Variants in ZBTB8OS observed in about 807,000 individuals in gnomAD.
ZBTB8OS encodes the protein tRNA splicing ligase complex subunit 1, also known as tRNA-splicing ligase-activating factor archease.
In ZBTB8OS, 16 loss-of-function variants were observed where a neutral mutation model predicts 29.3. That is an observed-to-expected ratio of 0.55 (90% confidence interval 0.37 to 0.83). The LOEUF (loss-of-function observed/expected upper bound fraction) is 0.83, where lower values mean the gene tolerates loss of function less well. Among genes scored for constraint, ZBTB8OS ranks in the 40% least tolerant of loss-of-function variants. The probability of loss-of-function intolerance (pLI) is 0.00; values close to 1 mark genes in which losing one functional copy is unlikely to be tolerated. For missense variants in ZBTB8OS, 160 were observed against 196.9 expected (o/e 0.81, Z 1.12); for synonymous variants, 70 against 64.6 (o/e 1.08, Z -0.40).
chr1:32,645,715 C>G (rs1297649216), intron 1 of ZBTB8OS, among the ~76,000 whole-genome samples: 1 of 152,126 alleles, frequency 6.6e-6, no homozygotes, highest in Non-Finnish European at 1.5e-5. Flanking sequence ...AGCCGAGTCT[C>G]AAACTCCTGG....
At chr1:32,650,348 T>G in intron 1 of ZBTB8OS, 85 bp downstream of exon 1, 2 of 1,558,116 alleles carry the variant, frequency 1.3e-6, no homozygotes, top group Non-Finnish European at 1.8e-6. Context: ...TGGGGCACAG[T>G]AGAAAGAGCA....
At chr1:32,633,806 G>A in intron 3 of ZBTB8OS, 79 bp from the exon 4 acceptor site, 2 of 1,460,252 alleles carry the variant, frequency 1.4e-6, no homozygotes, top group South Asian at 1.3e-5. Context: ...ATAAATAAAT[G>A]TCTTAGGTCA....
intron 1 of ZBTB8OS, among the ~76,000 whole-genome samples, chr1:32,641,738 C>T (rs1170790291): frequency 6.7e-6 from 1 of 150,224 alleles, no homozygotes; most frequent in African/African-American, 2.4e-5. Flanking sequence ...ATGGTGAAAC[C>T]CCGTCTCTAC....
chr1:32,638,153 TA>T (rs998230589), intron 1 of ZBTB8OS, among the ~76,000 whole-genome samples: 13 of 147,940 alleles, frequency 8.8e-5, no homozygotes, highest in South Asian at 6.4e-4. Context: ...ATATTTCAAT[TA>T]AAAAAAAATC....
intron 6 of ZBTB8OS, among the ~76,000 whole-genome samples, chr1:32,622,714 AAATAAAAGTTGG>A (rs1644839555): frequency 6.6e-6 from 1 of 152,058 alleles, no homozygotes; most frequent in South Asian, 2.1e-4. Context: ...ATGAACCTAA[AAATAAAAGTTGG>A]AAAGAAAAAA....
rs146908676 is a variant in ZBTB8OS, at chr1:32,625,534, A to AAAAACAAAAC, written c.417+1964_417+1973dup. Among the ~76,000 whole-genome samples, 497 of 151,208 alleles carry AAAAACAAAAC rather than the reference A, an allele frequency of 3.3e-3. 2 individuals carry two copies. Among genetic ancestry groups the AAAAACAAAAC allele is most frequent in the African/African-American group, 9.7e-3 (396 of 40,966 alleles). On this transcript the variant is annotated intron_variant, in intron 6 of 6. Coordinates refer to ENST00000468695, the MANE Select transcript of ZBTB8OS (RefSeq NM_178547.5). ...GGGCAATAGCATGAGACTCCGTCTCAAAAACAAAACAAAACAAAACAAAAC... is the reference window on the plus strand; with the variant it reads ...GGGCAATAGCATGAGACTCCGTCTCAAAAACAAAACAAAACAAAACAAAACAAAACAAAAC...
chr1:32,649,396 T>C lies in ZBTB8OS; in HGVS notation c.97+1037A>G, dbSNP rs1166163193. Among the ~76,000 whole-genome samples, 3 of 152,000 alleles carry C rather than the reference T, an allele frequency of 2.0e-5. No homozygotes were observed. The East Asian group carries it at 5.8e-4, about 29-fold the overall frequency. ...TTTTACAGAGAGGACAATGAGAAAT[T>C]AATGAAAGATTTTAAGCAGATAAAT... On this transcript the variant is annotated intron_variant, in intron 1 of 6. Transcript: ENST00000468695.
intron 1 of ZBTB8OS, among the ~76,000 whole-genome samples, chr1:32,650,226 G>A (rs1242666607): frequency 6.6e-6 from 1 of 152,138 alleles, no homozygotes; most frequent in Non-Finnish European, 1.5e-5. Flanking sequence ...AAATGAGGGA[G>A]GCCAGGTTTC....
At chr1:32,645,008 G>A (rs1646729578) in intron 1 of ZBTB8OS, among the ~76,000 whole-genome samples, 2 of 151,162 alleles carry the variant, frequency 1.3e-5, no homozygotes, top group African/African-American at 4.9e-5. Context: ...GTGAAACCCC[G>A]TCTCTACTAA....
intron 2 of ZBTB8OS, 156 bp downstream of exon 2, chr1:32,634,612 T>C: frequency 6.6e-6 from 6 of 913,372 alleles, no homozygotes; most frequent in Non-Finnish European, 1.1e-5. Context: ...ACTGAGCCAC[T>C]GAACCCTGCA....
intron 5 of ZBTB8OS, among the ~76,000 whole-genome samples, chr1:32,629,749 C>CTTTTTT (rs869185319): frequency 1.7e-4 from 19 of 114,114 alleles, no homozygotes; most frequent in East Asian, 2.5e-4. Flanking sequence ...ATGCTTGTTT[C>CTTTTTT]TTTTTTTTTT....
rs117899918 is a variant in ZBTB8OS, at chr1:32,640,551, G to A, written c.98-5759C>T. The stretch of plus-strand genomic sequence containing the variant: ...CTTTTTTGAGACGGAGTCTCACTCC[G>A]TCATCCAGGCTGAAGTGCAGTGGCA... On this transcript the variant is annotated intron_variant, in intron 1 of 6. Coordinates refer to ENST00000468695, the MANE Select transcript of ZBTB8OS (RefSeq NM_178547.5). 8.5e-5 allele frequency among the ~76,000 whole-genome samples: 13 copies of A among 152,134 alleles called. No homozygotes were observed. In the East Asian group the frequency reaches 2.1e-3, roughly 25 times the overall value.
rs375178253 is a variant in ZBTB8OS, at chr1:32,633,758, T to A, written c.245-31A>T. ...CAAGATCAAATAGTATATTTAATAA[T>A]TCTGGTCTCTAAAAACATACTTGAA... On this transcript the variant is annotated intron_variant, in intron 3 of 6. Coordinates refer to ENST00000468695, the MANE Select transcript of ZBTB8OS (RefSeq NM_178547.5). The A allele has an allele frequency of 8.5e-6, 13 of 1,537,522 alleles. No individual in the cohort carries two copies. The African/African-American group carries it at 1.8e-4, about 21-fold the overall frequency.
At chr1:32,634,994 G>A (rs999410500) in intron 1 of ZBTB8OS, among the ~76,000 whole-genome samples, 47 of 140,488 alleles carry the variant, frequency 3.3e-4, no homozygotes, top group African/African-American at 1.2e-3. Context: ...TTTTTTTTGC[G>A]GGGACAGAGA....
At chr1:32,634,528 ATTTTTAT>A in intron 2 of ZBTB8OS, 2 of 561,182 alleles carry the variant, frequency 3.6e-6, no homozygotes, top group Non-Finnish European at 6.3e-6. Context: ...ACCCGGCCTT[ATTTTTAT>A]TTTTTATTTT....
chr1:32,647,876 T>C (rs1646975449), intron 1 of ZBTB8OS, among the ~76,000 whole-genome samples: 1 of 152,180 alleles, frequency 6.6e-6, no homozygotes, highest in Admixed American at 6.6e-5. Context: ...TGTAATGCGC[T>C]TGAATCATCC....
intron 1 of ZBTB8OS, among the ~76,000 whole-genome samples, chr1:32,639,267 C>A (rs979977370): frequency 6.6e-6 from 1 of 150,554 alleles, no homozygotes; most frequent in East Asian, 2.0e-4. Context: ...CACTGCACTC[C>A]AGCCTGGGCA....
At chr1:32,636,691 T>C (rs1175416583) in intron 1 of ZBTB8OS, among the ~76,000 whole-genome samples, 2 of 98,026 alleles carry the variant, frequency 2.0e-5, no homozygotes, top group Non-Finnish European at 2.0e-5. Context: ...ACTCAAAAAA[T>C]GGAAAAAAAA....
At position 32,650,471 on chromosome 1, in the gene ZBTB8OS, A is replaced by G. The variant is rs751457128; in HGVS notation, c.59T>C (p.Ile20Thr). The change falls in exon 1 of 7, where the codon ATC (isoleucine) becomes ACC (threonine). Residue 20 changes from isoleucine to threonine, a missense_variant. Ile to Thr is a moderately conservative substitution (Grantham distance 89, BLOSUM62 -1). Transcript: ENST00000468695. ...ATTGACTGGCGGATACTTGGCCTTG[A>G]TCGCCTTCTGTTCTTCAGTCAAATT... Reference protein sequence around the residue: ...DYNLTEEQKAIKAKYPPVNRK... With the variant: ...DYNLTEEQKATKAKYPPVNRK... 26 of 1,614,030 alleles carry G rather than the reference A, an allele frequency of 1.6e-5. No individual in the cohort carries two copies. The highest frequency in any genetic ancestry group is 2.1e-5 in the Non-Finnish European group (25 of 1,180,024).
Sources: allele counts gnomAD v4.1 joint callset (sites outside exome capture counted in the v4.1 genomes callset), GRCh38; gene constraint gnomAD v4.1.1; transcripts MANE v1.5; gene names NCBI Gene and HGNC (gene_info 2026-07-23, HGNC 2026-07-21).